The following COL6A6 variants were observed in gnomAD, a reference collection of about 807,000 sequenced individuals.
COL6A6 encodes the protein collagen type VI alpha 6 chain.
Under a neutral mutation model 208.6 loss-of-function variants are expected in COL6A6, and 183 were observed. The ratio of observed to expected loss-of-function variants is 0.88; its 90% confidence interval spans 0.78 to 0.99. COL6A6 has a LOEUF of 0.99. COL6A6 is among the 50% of genes least tolerant of loss of function. The pLI is 0.00. For missense variants in COL6A6, 2,816 were observed against 2,815.2 expected, an observed-to-expected ratio of 1.00 and a Z score of -0.01; for synonymous variants, 973 against 1,011.8, an observed-to-expected ratio of 0.96 and a Z score of 0.73.
At chr3:130,546,837 CA>C (rs1464433792) in intron 1 of COL6A6, among the ~76,000 whole-genome samples, 1 of 152,066 alleles carries the variant, frequency 6.6e-6, no homozygotes. Context: ...TAGCTAGACA[CA>C]AAAGTTCTTC....
chr3:130,556,668 C>G (rs997699754), intron 1 of COL6A6, among the ~76,000 whole-genome samples: 1 of 151,924 alleles, frequency 6.6e-6, no homozygotes, highest in Non-Finnish European at 1.5e-5. Flanking sequence ...ATTGTAGTAT[C>G]TATTTCTTAG....
chr3:130,554,829 C>G (rs1559982446), intron 1 of COL6A6, among the ~76,000 whole-genome samples: 1 of 152,136 alleles, frequency 6.6e-6, no homozygotes, highest in African/African-American at 2.4e-5. Context: ...GGGAACATGT[C>G]AGTGAGCTAG....
intron 26 of COL6A6, among the ~76,000 whole-genome samples, chr3:130,633,945 T>A (rs1186414274): frequency 2.4e-5 from 1 of 41,058 alleles, no homozygotes; most frequent in Non-Finnish European, 3.4e-5. Flanking sequence ...GAGATATACC[T>A]AATGCTAGAT....
intron 1 of COL6A6, among the ~76,000 whole-genome samples, chr3:130,525,653 G>A (rs2061944746): frequency 6.6e-6 from 1 of 152,074 alleles, no homozygotes; most frequent in East Asian, 1.9e-4. Flanking sequence ...GTCATGAGTA[G>A]GTCCTGCAAA....
chr3:130,593,442 C>T (rs2108087435), intron 17 of COL6A6, among the ~76,000 whole-genome samples, 190 bp downstream of exon 17: 2 of 152,268 alleles, frequency 1.3e-5, no homozygotes, highest in Middle Eastern at 3.4e-3. Flanking sequence ...CTGGACATGG[C>T]TCATGTCTGT....
chr3:130,568,786 A>G (rs2063093617), intron 6 of COL6A6, among the ~76,000 whole-genome samples, 182 bp downstream of exon 6: 1 of 152,194 alleles, frequency 6.6e-6, no homozygotes. Flanking sequence ...GTTTACCTAG[A>G]CCCATTCCCA....
intron 1 of COL6A6, among the ~76,000 whole-genome samples, chr3:130,518,855 C>T (rs1710899458): frequency 6.6e-6 from 1 of 151,966 alleles, no homozygotes; most frequent in African/African-American, 2.4e-5. Context: ...AAAAAAATAC[C>T]GTGCCTCAAA....
Position 130,565,148 on chromosome 3 carries a change from C to G in COL6A6, c.816C>G (p.Ala272=), listed in dbSNP as rs757775483. Residue 272 remains alanine (A), a synonymous_variant, in exon 4 of 37, where the codon GCC becomes GCG. Transcript: ENST00000358511. ...KENCMRVGLV[A]YSNETKVINS... is the part of the protein sequence containing the mutation. Reference sequence around the variant, plus strand: ...ATTGCATGAGGGTTGGCCTTGTGGCCTATAGCAATGAGACAAAAGTGATAA... The same window carrying G: ...ATTGCATGAGGGTTGGCCTTGTGGCGTATAGCAATGAGACAAAAGTGATAA... 1.9e-6 allele frequency: 3 copies of G among 1,613,930 alleles called. No homozygotes were observed. The highest frequency in any genetic ancestry group is 1.1e-5 in the South Asian group (1 of 91,064).
chr3:130,580,739 T>A (rs1294752963), intron 8 of COL6A6, among the ~76,000 whole-genome samples: 3 of 152,228 alleles, frequency 2.0e-5, no homozygotes, highest in Non-Finnish European at 4.4e-5. Flanking sequence ...TTTAGGACAC[T>A]CAGCTTAAAA....
intron 1 of COL6A6, among the ~76,000 whole-genome samples, chr3:130,550,666 A>ATTCACTATC (rs1048687803): frequency 1.3e-5 from 2 of 152,198 alleles, no homozygotes; most frequent in African/African-American, 4.8e-5. Flanking sequence ...TGTGAGACTT[A>ATTCACTATC]TTCACTATCA....
chr3:130,598,445 T>C lies in COL6A6; in HGVS notation c.4599+15T>C. 6.5e-7 allele frequency: 1 copy of C among 1,533,706 alleles called. No homozygotes were observed. Among genetic ancestry groups the C allele is most frequent in the Non-Finnish European group, 8.8e-7 (1 of 1,130,976 alleles). On this transcript the variant is annotated intron_variant, in intron 19 of 36. Transcript: ENST00000358511. ...GTGGAAGACAAGTAATTACGTGGGC[T>C]TGTAAAATCGTGATGCAACAACTGT...
chr3:130,575,689 A>G (rs2063278436), intron 8 of COL6A6, among the ~76,000 whole-genome samples: 1 of 152,186 alleles, frequency 6.6e-6, no homozygotes, highest in Non-Finnish European at 1.5e-5. Flanking sequence ...GTCTCTCCAG[A>G]AGGAGAAGGT....
chr3:130,659,256 T>G (rs1374073177), intron 34 of COL6A6, among the ~76,000 whole-genome samples: 1 of 152,198 alleles, frequency 6.6e-6, no homozygotes, highest in African/African-American at 2.4e-5. Flanking sequence ...TCCCAAATAT[T>G]AAGCATCAGA....
chr3:130,675,356 A>C lies in COL6A6; in HGVS notation c.6751A>C (p.Asn2251His). ...FMRSTSHTFK[N>H]GRMIESAPKQ... is the part of the protein sequence containing the mutation. ...GAGAAGCACCTCCCATACCTTTAAG[A>C]ATGGAAGGATGATAGAAAGTGCTCC... Residue 2251 changes from asparagine to histidine, a missense_variant, in exon 37 of 37, where the codon AAT (asparagine) becomes CAT (histidine). By Grantham distance (68) the Asn-to-His change is moderately conservative. Transcript: ENST00000358511. The C allele has an allele frequency of 1.3e-6, 2 of 1,598,816 alleles. No homozygotes were observed. Among genetic ancestry groups the C allele is most frequent in the Non-Finnish European group, 1.7e-6 (2 of 1,172,658 alleles).
intron 1 of COL6A6, among the ~76,000 whole-genome samples, chr3:130,541,959 A>C (rs2062373620): frequency 1.3e-5 from 2 of 152,152 alleles, no homozygotes; most frequent in South Asian, 4.1e-4. Flanking sequence ...AGTTCTTCAT[A>C]ATATTCCTTG....
chr3:130,562,485 T>A (rs1044196082), intron 2 of COL6A6, among the ~76,000 whole-genome samples: 1 of 152,156 alleles, frequency 6.6e-6, no homozygotes, highest in Non-Finnish European at 1.5e-5. Flanking sequence ...GATTGACTAT[T>A]CCATATTTTT....
At chr3:130,589,219 G>A in intron 12 of COL6A6, 37 bp downstream of exon 12, 3 of 1,452,456 alleles carry the variant, frequency 2.1e-6, no homozygotes, top group East Asian at 2.3e-5. Flanking sequence ...ACTTTGAGTT[G>A]TAGTATGTCC....
chr3:130,533,440 A>G (rs2062153901), intron 1 of COL6A6, among the ~76,000 whole-genome samples: 1 of 152,158 alleles, frequency 6.6e-6, no homozygotes, highest in Admixed American at 6.5e-5. Context: ...TTCTTGCATG[A>G]CATCATTTAG....
Position 130,574,508 on chromosome 3 carries a change from C to G in COL6A6, c.3530C>G (p.Thr1177Ser), listed in dbSNP as rs746713859. ...AAAAGGATCGTTCGCAACATCTGTA[C>G]CACAGCGGGTGAAAGCAGTAAGTAT... ...VNKRIVRNIC[T>S]TAGESNCFVD... is the part of the protein sequence containing the mutation. Residue 1177 changes from threonine (T) to serine (S), a missense_variant, in exon 8 of 37, where the codon ACC becomes AGC. Thr to Ser is a moderately conservative substitution (Grantham distance 58). Coordinates refer to ENST00000358511, the MANE Select transcript of COL6A6 (RefSeq NM_001102608.3). 3.7e-6 allele frequency: 6 copies of G among 1,613,464 alleles called. No individual in the cohort carries two copies. The Admixed American group carries it at 1.0e-4, about 27-fold the overall frequency.
Sources: allele counts gnomAD v4.1 joint callset (sites outside exome capture counted in the v4.1 genomes callset), GRCh38; gene constraint gnomAD v4.1.1; transcripts MANE v1.5; gene names NCBI Gene and HGNC (gene_info 2026-07-23, HGNC 2026-07-21).